Variants in RSRC1 observed in about 807,000 individuals in gnomAD.
RSRC1 encodes the protein arginine and serine rich coiled-coil 1, also known as serine/Arginine-related protein 53.
RSRC1 carries 39 observed loss-of-function variants against 49.1 expected under a neutral mutation model. The ratio of observed to expected loss-of-function variants is 0.79; its 90% confidence interval spans 0.61 to 1.04. The LOEUF (loss-of-function observed/expected upper bound fraction) is 1.04, where lower values mean the gene tolerates loss of function less well. Among genes scored for constraint, RSRC1 ranks in the 50% least tolerant of loss-of-function variants. The pLI, the probability that RSRC1 is intolerant of heterozygous loss-of-function variation, is 0.00. For missense variants in RSRC1, 388 were observed against 402.4 expected (o/e 0.96, Z 0.31); for synonymous variants, 143 against 130.8 (o/e 1.09, Z -0.63).
rs137912298 is a variant in RSRC1, at chr3:158,254,784, A to G, written c.495-43255A>G. Among the ~76,000 whole-genome samples, 642 of 152,122 alleles carry G rather than the reference A, an allele frequency of 4.2e-3. 5 individuals are homozygous for G. The highest frequency in any genetic ancestry group is 0.015 in the African/African-American group (606 of 41,488). ...TCTAACTGGTGTGAAATGGTATCTC[A>G]TGGTGGTTTTGATTTGCATTTCTCT... On this transcript the variant is annotated intron_variant, in intron 4 of 9. Coordinates refer to ENST00000611884, the MANE Select transcript of RSRC1 (RefSeq NM_001271838.2).
Position 158,498,491 on chromosome 3 carries a change from C to T in RSRC1, c.652+37488C>T, listed in dbSNP as rs147423001. 4.3e-3 allele frequency among the ~76,000 whole-genome samples: 632 copies of T among 147,048 alleles called. 9 individuals are homozygous for T. The highest frequency in any genetic ancestry group is 0.015 in the African/African-American group (594 of 39,872). On this transcript the variant is annotated intron_variant, in intron 7 of 9. Transcript: ENST00000611884. ...TTAGTCCTTTGTCAGATGTGTAGATCGTGAATATTTTCTCCCACCCTGTGG... is the reference window on the plus strand; with the variant it reads ...TTAGTCCTTTGTCAGATGTGTAGATTGTGAATATTTTCTCCCACCCTGTGG...
At chr3:158,495,281 T>G (rs1739271865) in intron 7 of RSRC1, among the ~76,000 whole-genome samples, 1 of 152,084 alleles carries the variant, frequency 6.6e-6, no homozygotes, top group South Asian at 2.1e-4. Flanking sequence ...TTTTTGGGTT[T>G]TTTGTTTGTT....
chr3:158,328,057 C>T (rs1355839931), intron 5 of RSRC1, among the ~76,000 whole-genome samples: 3 of 152,042 alleles, frequency 2.0e-5, no homozygotes, highest in Non-Finnish European at 2.9e-5. Flanking sequence ...ATTGCAACCC[C>T]TGCCTTTTTT....
At chr3:158,357,666 GAA>G (rs1177277682) in intron 6 of RSRC1, among the ~76,000 whole-genome samples, 2 of 132,486 alleles carry the variant, frequency 1.5e-5, no homozygotes, top group African/African-American at 8.8e-5. Context: ...AAATAAATAA[GAA>G]GAACTTGAGA....
intron 6 of RSRC1, among the ~76,000 whole-genome samples, chr3:158,359,511 G>A (rs1286402064): frequency 6.6e-6 from 1 of 152,156 alleles, no homozygotes; most frequent in East Asian, 1.9e-4. Context: ...AGCAGAGCAG[G>A]TGGCAGCATG....
intron 5 of RSRC1, among the ~76,000 whole-genome samples, chr3:158,347,896 T>G (rs1226038477): frequency 6.6e-6 from 1 of 152,086 alleles, no homozygotes; most frequent in African/African-American, 2.4e-5. Context: ...AAAATTGAAT[T>G]TTTGTGATTA....
intron 6 of RSRC1, among the ~76,000 whole-genome samples, chr3:158,370,159 C>T (rs1731988367): frequency 1.3e-5 from 2 of 151,770 alleles, no homozygotes; most frequent in Non-Finnish European, 1.5e-5. Context: ...TTGGTATTGT[C>T]TCTGGATAGT....
intron 4 of RSRC1, among the ~76,000 whole-genome samples, chr3:158,203,733 AG>A (rs1190546433): frequency 6.6e-6 from 1 of 152,134 alleles, no homozygotes; most frequent in Non-Finnish European, 1.5e-5. Context: ...ATAGAATGGG[AG>A]CTTGGGCAAT....
intron 3 of RSRC1, among the ~76,000 whole-genome samples, chr3:158,163,244 C>G (rs1301388020): frequency 6.6e-6 from 1 of 151,962 alleles, no homozygotes; most frequent in African/African-American, 2.4e-5. Context: ...TTCAAGTGAT[C>G]CTCCTGCCTC....
intron 3 of RSRC1, among the ~76,000 whole-genome samples, chr3:158,136,369 C>T (rs556710320): frequency 1.3e-5 from 2 of 151,948 alleles, no homozygotes; most frequent in Non-Finnish European, 2.9e-5. Flanking sequence ...TAATTAAATC[C>T]GCTAAAAGGA....
chr3:158,543,156 A>G (rs1456473111), intron 8 of RSRC1, among the ~76,000 whole-genome samples, 179 bp from the exon 9 acceptor site: 3 of 152,186 alleles, frequency 2.0e-5, no homozygotes, highest in African/African-American at 7.2e-5. Flanking sequence ...ACAAACAAAT[A>G]TAAAAATAAA....
chr3:158,157,710 G>A (rs1403962844), intron 3 of RSRC1, among the ~76,000 whole-genome samples: 1 of 152,174 alleles, frequency 6.6e-6, no homozygotes, highest in Non-Finnish European at 1.5e-5. Flanking sequence ...GAGGTCGGGA[G>A]TTTGAGACCA....
rs1712930913 is a variant in RSRC1 at position 158,539,745 on chromosome 3, AT to A, written c.759+2552del. Among the ~76,000 whole-genome samples, 1 of 152,126 alleles carries A rather than the reference AT, an allele frequency of 6.6e-6. No individual in the cohort carries two copies. Among genetic ancestry groups the A allele is most frequent in the Admixed American group, 6.6e-5 (1 of 15,254 alleles). On this transcript the variant is annotated intron_variant, in intron 8 of 9. Transcript: ENST00000611884. The surrounding 1 kb of genome is among the most constrained non-coding windows in gnomAD (Gnocchi z 4.1). The stretch of plus-strand genomic sequence containing the variant: ...AAGCAATTAGTGGTTCTCTCTACAA[AT>A]TTTTAATTGCCCGTTATTAAACAAT...
chr3:158,166,589 T>C (rs978220913), intron 3 of RSRC1, among the ~76,000 whole-genome samples: 1 of 152,236 alleles, frequency 6.6e-6, no homozygotes, highest in Admixed American at 6.5e-5. Context: ...TTGCCAACTT[T>C]ATTGAAACTA....
chr3:158,390,092 A>C (rs1168747542), intron 6 of RSRC1, among the ~76,000 whole-genome samples: 2 of 152,188 alleles, frequency 1.3e-5, no homozygotes, highest in Non-Finnish European at 2.9e-5. Flanking sequence ...AGGGATGTTA[A>C]TTTCAGGAAC....
At chr3:158,280,060 C>A (rs948380337) in intron 4 of RSRC1, among the ~76,000 whole-genome samples, 10 of 152,172 alleles carry the variant, frequency 6.6e-5, no homozygotes, top group African/African-American at 1.7e-4. Context: ...TTGCCACTAT[C>A]ACAGAGAATA....
chr3:158,285,131 C>A (rs911478236), intron 4 of RSRC1, among the ~76,000 whole-genome samples: 2 of 152,148 alleles, frequency 1.3e-5, no homozygotes, highest in Admixed American at 1.3e-4. Flanking sequence ...GTTTTCCCAG[C>A]ACCATTTATT....
At chr3:158,242,448 A>G (rs1723648885) in intron 4 of RSRC1, among the ~76,000 whole-genome samples, 1 of 151,980 alleles carries the variant, frequency 6.6e-6, no homozygotes, top group Non-Finnish European at 1.5e-5. Flanking sequence ...TATCCAATCT[A>G]TCATTGTTGG....
intron 5 of RSRC1, among the ~76,000 whole-genome samples, chr3:158,352,323 T>C (rs933002062): frequency 6.6e-6 from 1 of 152,132 alleles, no homozygotes; most frequent in Non-Finnish European, 1.5e-5. Flanking sequence ...GACTATATCT[T>C]CAAGATAATG....
Sources: allele counts gnomAD v4.1 joint callset (sites outside exome capture counted in the v4.1 genomes callset), GRCh38; gene constraint gnomAD v4.1.1; non-coding constraint Gnocchi (gnomAD v3.1); transcripts MANE v1.5; gene names NCBI Gene and HGNC (gene_info 2026-07-23, HGNC 2026-07-21).